NAXE: variants seen among roughly 807,000 people sequenced by gnomAD.
NAXE encodes NAD(P)HX epimerase.
In NAXE, 25 loss-of-function variants were observed where a neutral mutation model predicts 31.2. The ratio of observed to expected loss-of-function variants is 0.80; its 90% confidence interval spans 0.58 to 1.12. NAXE has a LOEUF of 1.12. Ranked by LOEUF, NAXE falls within the 50% of genes most tolerant of loss-of-function variation. The pLI, the probability that NAXE is intolerant of heterozygous loss-of-function variation, is 0.00. For synonymous variants in NAXE, 144 were observed against 154.5 expected (o/e 0.93, Z 0.50); for missense variants, 362 against 376.1 (o/e 0.96, Z 0.31).
intron 5 of NAXE, 32 bp from the exon 6 acceptor site, chr1:156,593,850 T>C: frequency 6.2e-7 from 1 of 1,607,030 alleles, no homozygotes; most frequent in Non-Finnish European, 8.5e-7. Flanking sequence ...ACGAGACATC[T>C]GGCCTCTTCC....
rs773791258 is a variant in NAXE at position 156,593,913 on chromosome 1, G to C, written c.696G>C (p.Gly232=). ...GWDVEKGNAG[G]IQPDLLISLT... ...ACGTGGAGAAGGGAAATGCTGGAGG[G>C]ATCCAGCCAGACTTGCTCATATCCC... Residue 232 remains glycine (G), a synonymous_variant, in exon 6 of 6, where the codon GGG becomes GGC. Transcript: ENST00000368235. 12 of 1,613,962 alleles carry C rather than the reference G, an allele frequency of 7.4e-6. No homozygotes were observed. The South Asian group carries it at 1.3e-4, about 18-fold the overall frequency.
Position 156,591,907 on chromosome 1 carries a change from T to A in NAXE, c.103T>A (p.Trp35Arg). 2 of 1,612,578 alleles carry A rather than the reference T, an allele frequency of 1.2e-6. No individual in the cohort carries two copies. Among genetic ancestry groups the A allele is most frequent in the Admixed American group, 3.3e-5 (2 of 59,994 alleles). Residue 35 changes from tryptophan to arginine, a missense_variant, in exon 1 of 6, where the codon TGG becomes AGG. By Grantham distance (101) the Trp-to-Arg change is moderately radical. Transcript: ENST00000368235. ...QTIACRSGPTWWGPQRLNSGG... is the reference protein window; with the variant it reads ...QTIACRSGPTRWGPQRLNSGG... ...CATCGCCTGTCGCTCGGGACCCACC[T>A]GGTGGGGACCGCAGCGGCTGAACTC... is the stretch of plus-strand genomic sequence containing the variant.
chr1:156,592,388 C>G lies in NAXE; in HGVS notation c.315C>G (p.Ser105=). 1 of 1,614,178 alleles carries G rather than the reference C, an allele frequency of 6.2e-7. No individual in the cohort carries two copies. ...IAKAYPPTSM[S]RSPPTVLVIC... is the part of the protein sequence containing the mutation. ...AGGCATATCCCCCCACGTCCATGTC[C>G]AGGAGCCCCCCTACTGTCCTGGTCA... Residue 105 remains serine, a synonymous_variant, in exon 3 of 6, where the codon TCC becomes TCG. Transcript: ENST00000368235.
chr1:156,592,273 G>C (rs1406943900), intron 2 of NAXE, 64 bp downstream of exon 2: 2 of 1,606,384 alleles, frequency 1.2e-6, no homozygotes, highest in Non-Finnish European at 1.7e-6. Flanking sequence ...CAGCCCCCTG[G>C]CCTAGGCACA....
intron 4 of NAXE, 184 bp from the exon 5 acceptor site, chr1:156,593,224 C>G: frequency 1.4e-6 from 1 of 698,420 alleles, no homozygotes; most frequent in Non-Finnish European, 2.2e-6. Flanking sequence ...CAAAAACTGT[C>G]TGGTCTCAAT....
intron 2 of NAXE, 47 bp downstream of exon 2, chr1:156,592,256 A>G: frequency 6.2e-7 from 1 of 1,609,428 alleles, no homozygotes; most frequent in South Asian, 1.1e-5. Flanking sequence ...GGGAGGAGTC[A>G]CTGTCCCAGC....
At chr1:156,592,847 T>TCC (rs1483923691) in intron 4 of NAXE, 177 bp downstream of exon 4, 1 of 592,094 alleles carries the variant, frequency 1.7e-6, no homozygotes, top group East Asian at 3.0e-5. Flanking sequence ...GCTCCATGAG[T>TCC]CCCACACACC....
In NAXE at chr1:156,593,489, T is replaced by G. The variant is rs1677400231; in HGVS notation, c.598T>G (p.Phe200Val). ...CTTCAAGGGCGATGTTCGGGAACCG[T>G]TCCACAGCATCCTGAGTGTCCTGAA... is the stretch of plus-strand genomic sequence containing the variant. Reference protein sequence around the residue: ...FSFKGDVREPFHSILSVLKGL... With the variant: ...FSFKGDVREPVHSILSVLKGL... The change falls in exon 5 of 6, where the codon TTC becomes GTC. Residue 200 changes from phenylalanine to valine, a missense_variant. By Grantham distance (50) the Phe-to-Val change is conservative. Transcript: ENST00000368235. The G allele has an allele frequency of 1.2e-6, 2 of 1,614,222 alleles. No individual in the cohort carries two copies. Among genetic ancestry groups the G allele is most frequent in the Non-Finnish European group, 1.7e-6 (2 of 1,180,030 alleles).
Position 156,592,108 on chromosome 1 carries a change from G to A in NAXE, c.190G>A (p.Glu64Lys), listed in dbSNP as rs974843698. Residue 64 changes from glutamate (E) to lysine (K), a missense_variant, in exon 2 of 6, where the codon GAG becomes AAG. Physicochemically the swap from Glu to Lys is moderately conservative, Grantham distance 56 (BLOSUM62 1). Transcript: ENST00000368235. ...GCCGCGGGTTTTCCTCAGCCAGGAG[G>A]AGGCCCAGGCCGTGGACCAGGAGCT... ...STVVKYLSQEEAQAVDQELFN... is the reference protein window; with the variant it reads ...STVVKYLSQEKAQAVDQELFN... The A allele has an allele frequency of 1.2e-6, 2 of 1,614,138 alleles. No individual in the cohort carries two copies. The highest frequency in any genetic ancestry group is 2.7e-5 in the African/African-American group (2 of 74,956).
In NAXE at chr1:156,594,072, T is replaced by C; in HGVS notation, c.855T>C (p.Tyr285=). The C allele has an allele frequency of 6.2e-7, 1 of 1,614,008 alleles. No individual in the cohort carries two copies. Among genetic ancestry groups the C allele is most frequent in the South Asian group, 1.1e-5 (1 of 91,072 alleles). The part of the protein sequence containing the change: ...LPPYPDTECV[Y]RLQ ...CCTACCCTGACACCGAGTGTGTCTA[T>C]CGTCTGCAGTGAGGGAAGGTGGGTG... The change falls in exon 6 of 6, where the codon TAT becomes TAC. Residue 285 remains tyrosine, a synonymous_variant. Coordinates refer to ENST00000368235, the MANE Select transcript of NAXE (RefSeq NM_144772.3).
At position 156,594,091 on chromosome 1, in the gene NAXE, G is replaced by A. The variant is rs761354913; in HGVS notation, c.*7G>A. The A allele has an allele frequency of 9.9e-6, 16 of 1,613,578 alleles. No individual in the cohort carries two copies. Among genetic ancestry groups the A allele is most frequent in the African/African-American group, 4.0e-5 (3 of 74,912 alleles). On this transcript the variant is annotated 3_prime_UTR_variant, in exon 6 of 6. Transcript: ENST00000368235. ...TGTCTATCGTCTGCAGTGAGGGAAG[G>A]TGGGTGGGTATTCTTCCCAATAAAG...
rs1677422508 is a variant in NAXE, at chr1:156,594,051, C to T, written c.834C>T (p.Tyr278=). Reference sequence around the variant, plus strand: ...AGTACCAGCTGAACCTGCCACCCTACCCTGACACCGAGTGTGTCTATCGTC... The same window carrying T: ...AGTACCAGCTGAACCTGCCACCCTATCCTGACACCGAGTGTGTCTATCGTC... ...EKKYQLNLPP[Y]PDTECVYRLQ The change falls in exon 6 of 6, where the codon TAC becomes TAT. Residue 278 remains tyrosine (Y), a synonymous_variant. Coordinates refer to ENST00000368235, the MANE Select transcript of NAXE (RefSeq NM_144772.3). 1 of 1,614,118 alleles carries T rather than the reference C, an allele frequency of 6.2e-7. No individual in the cohort carries two copies. Among genetic ancestry groups the T allele is most frequent in the Non-Finnish European group, 8.5e-7 (1 of 1,179,988 alleles).
intron 5 of NAXE, 51 bp downstream of exon 5, chr1:156,593,606 G>A: frequency 1.2e-6 from 2 of 1,611,144 alleles, no homozygotes; most frequent in Non-Finnish European, 8.5e-7. Context: ...CTACCCTCCT[G>A]ACTCTTGCCC....
chr1:156,591,789 G>A lies in NAXE; in HGVS notation c.-16G>A. ...CGGGGCCGGGCCGGGCCGGGGGCGC[G>A]CGCTCTGCGAGCTGGATGTCCAGGC... On this transcript the variant is annotated 5_prime_UTR_variant, in exon 1 of 6. Transcript: ENST00000368235. 2 of 1,422,144 alleles carry A rather than the reference G, an allele frequency of 1.4e-6. No homozygotes were observed. The highest frequency in any genetic ancestry group is 2.9e-5 in the East Asian group (1 of 34,642). The allele number at this position is 1,422,144 out of a possible 1,614,324, so 88.1% of individuals were successfully genotyped here.
intron 4 of NAXE, 43 bp downstream of exon 4, chr1:156,592,713 T>C: frequency 6.6e-7 from 1 of 1,523,272 alleles, no homozygotes; most frequent in South Asian, 1.1e-5. Context: ...CAGTAACCAC[T>C]GCCTGTGCTC....
chr1:156,592,526 A>G, intron 3 of NAXE, 31 bp from the exon 4 acceptor site: 1 of 1,613,526 alleles, frequency 6.2e-7, no homozygotes, highest in Non-Finnish European at 8.5e-7. Context: ...GGGCTCTGGG[A>G]TCTGGGGTTG....
At position 156,594,132 on chromosome 1, in the gene NAXE, C is replaced by T. The variant is rs1677427737; in HGVS notation, c.*48C>T. 6.3e-7 allele frequency: 1 copy of T among 1,585,334 alleles called. No individual in the cohort carries two copies. The highest frequency in any genetic ancestry group is 1.7e-5 in the Admixed American group (1 of 59,366). On this transcript the variant is annotated 3_prime_UTR_variant, in exon 6 of 6. Coordinates refer to ENST00000368235, the MANE Select transcript of NAXE (RefSeq NM_144772.3). ...CCCAATAAAGACTTAGAGCCCCTCT[C>T]TTCCAGAACTGTGGATTCCTGGGAG...
In NAXE at chr1:156,592,482, A is replaced by T. The variant is rs777240240; in HGVS notation, c.402+7A>T. ...TCGACACCTCAAACTCTTTGTGAGT[A>T]TGTGGGGAGGGGCTGTGGGGGAGGA... On this transcript the variant is annotated splice_region_variant and intron_variant, in intron 3 of 5. Transcript: ENST00000368235. 3 of 1,613,644 alleles carry T rather than the reference A, an allele frequency of 1.9e-6. No individual in the cohort carries two copies. Among genetic ancestry groups the T allele is most frequent in the Admixed American group, 1.7e-5 (1 of 60,018 alleles).
At position 156,592,849 on chromosome 1, in the gene NAXE, C is replaced by T. The variant is rs80307355; in HGVS notation, c.516+179C>T. 8 of 594,636 alleles carry T rather than the reference C, an allele frequency of 1.3e-5. No individual in the cohort carries two copies. The South Asian group carries it at 1.6e-4, about 12-fold the overall frequency. The allele number at this position is 594,636 out of a possible 1,614,324, so 36.8% of individuals were successfully genotyped here. On this transcript the variant is annotated intron_variant, in intron 4 of 5. Coordinates refer to ENST00000368235, the MANE Select transcript of NAXE (RefSeq NM_144772.3). ...CTTCATAAAGTGTGCTCCATGAGTCCCACACACCACCTTCTCTAAAGCTTC... is the reference window on the plus strand; with the variant it reads ...CTTCATAAAGTGTGCTCCATGAGTCTCACACACCACCTTCTCTAAAGCTTC...
Sources: gnomAD v4.1 joint callset for allele counts on GRCh38, gnomAD v4.1.1 for gene constraint, MANE v1.5 for transcripts, NCBI Gene and HGNC (gene_info 2026-07-23, HGNC 2026-07-21) for gene names.